TMEM117: variants seen among roughly 807,000 people sequenced by gnomAD.
TMEM117 encodes transmembrane protein 117.
TMEM117 carries 27 observed loss-of-function variants against 52.4 expected under a neutral mutation model. The observed-to-expected ratio is 0.51, with a 90% CI of 0.38 to 0.71. The LOEUF is 0.71. TMEM117 is among the 30% of genes least tolerant of loss of function. The probability of loss-of-function intolerance (pLI) is 0.00; values close to 1 mark genes in which losing one functional copy is unlikely to be tolerated. For synonymous variants in TMEM117, 215 were observed against 206.3 expected (o/e 1.04, Z -0.36); for missense variants, 556 against 630.5 (o/e 0.88, Z 1.26).
intron 3 of TMEM117, among the ~76,000 whole-genome samples, chr12:44,060,456 A>C (rs968331159): frequency 6.6e-6 from 1 of 152,110 alleles, no homozygotes; most frequent in Non-Finnish European, 1.5e-5. Flanking sequence ...TCAGCAGCAG[A>C]GTTTAACCTA....
chr12:44,351,631 A>G (rs1188721231), intron 6 of TMEM117, among the ~76,000 whole-genome samples: 1 of 151,832 alleles, frequency 6.6e-6, no homozygotes, highest in Non-Finnish European at 1.5e-5. Flanking sequence ...TCCCCAGTGT[A>G]TGTTCTTGGC....
rs577879879 is a variant in TMEM117, at chr12:44,154,479, A to G, written c.510+10855A>G. Among the ~76,000 whole-genome samples, 5 of 152,150 alleles carry G rather than the reference A, an allele frequency of 3.3e-5. No homozygotes were observed. The East Asian group carries it at 9.6e-4, about 29-fold the overall frequency. ...CATCTGTTTTCATTGAAAGAACAGC[A>G]CCTCTCGTAAAGATTTTAAAATACA... On this transcript the variant is annotated intron_variant, in intron 4 of 7. Coordinates refer to ENST00000266534, the MANE Select transcript of TMEM117 (RefSeq NM_032256.3).
In TMEM117 at chr12:44,279,672, C is replaced by T. The variant is rs534482647; in HGVS notation, c.609-19908C>T. Among the ~76,000 whole-genome samples the T allele has an allele frequency of 4.6e-5, 7 of 152,156 alleles. No homozygotes were observed. The South Asian group carries it at 1.2e-3, about 27-fold the overall frequency. ...GAGATTACAGGCGCATGCCACCACG[C>T]CCGCCTAATTTTTTGTATTTTAGTA... On this transcript the variant is annotated intron_variant, in intron 5 of 7. Coordinates refer to ENST00000266534, the MANE Select transcript of TMEM117 (RefSeq NM_032256.3).
intron 6 of TMEM117, among the ~76,000 whole-genome samples, chr12:44,342,182 C>T (rs1330324086): frequency 6.6e-6 from 1 of 152,128 alleles, no homozygotes; most frequent in African/African-American, 2.4e-5. Context: ...TACAGAAGGT[C>T]GTTTGTCATG....
chr12:43,814,463 C>G, the TMEM117 span, among the ~76,000 whole-genome samples: 3 of 152,142 alleles, frequency 2.0e-5, no homozygotes, highest in Non-Finnish European at 4.4e-5. Flanking sequence ...TAACCCTGCT[C>G]GTCCTGGCCC....
In TMEM117 at chr12:44,080,013, C is replaced by T. The variant is rs140686561; in HGVS notation, c.411-63512C>T. ...AGCCTGGGCGACAGAGTAACTCCAT[C>T]TCAAAAAAAAAAAAAAAAAAAAGAG... is the stretch of plus-strand genomic sequence containing the variant. On this transcript the variant is annotated intron_variant, in intron 3 of 7. Transcript: ENST00000266534. 8.6e-3 allele frequency among the ~76,000 whole-genome samples: 993 copies of T among 115,952 alleles called. 16 individuals carry two copies. Among genetic ancestry groups the T allele is most frequent in the African/African-American group, 0.039 (967 of 24,618 alleles). The allele number at this position is 115,952 out of a possible 152,430, so 76.1% of individuals were successfully genotyped here.
intron 3 of TMEM117, among the ~76,000 whole-genome samples, chr12:44,079,626 T>C (rs1256459158): frequency 6.6e-6 from 1 of 152,216 alleles, no homozygotes; most frequent in Admixed American, 6.5e-5. Context: ...ATATTTTAGA[T>C]AAGGCAGATA....
chr12:44,049,407 G>A (rs889866638), intron 3 of TMEM117, among the ~76,000 whole-genome samples: 1 of 151,980 alleles, frequency 6.6e-6, no homozygotes, highest in Non-Finnish European at 1.5e-5. Context: ...ACACACCCAG[G>A]GCCTGTTGGG....
the TMEM117 span, among the ~76,000 whole-genome samples, chr12:43,816,060 GA>G: frequency 2.6e-5 from 4 of 152,166 alleles, no homozygotes; most frequent in African/African-American, 9.7e-5. Flanking sequence ...GTGTTGTGAA[GA>G]TTTTTTTAAA....
intron 2 of TMEM117, 147 bp from the exon 3 acceptor site, chr12:43,944,063 A>G (rs1051508636): frequency 6.4e-6 from 4 of 622,170 alleles, no homozygotes; most frequent in Non-Finnish European, 1.1e-5. Flanking sequence ...CAAAAAGAAC[A>G]TTATATTGTG....
chr12:44,114,827 ATAAAAATGCTAC>A (rs1473365426), intron 3 of TMEM117, among the ~76,000 whole-genome samples: 1 of 152,208 alleles, frequency 6.6e-6, no homozygotes, highest in African/African-American at 2.4e-5. Flanking sequence ...ACTGTTTCCT[ATAAAAATGCTAC>A]TACTTCCACA....
At chr12:44,374,497 G>A (rs1951911060) in intron 6 of TMEM117, among the ~76,000 whole-genome samples, 2 of 151,864 alleles carry the variant, frequency 1.3e-5, no homozygotes, top group Admixed American at 6.6e-5. Flanking sequence ...ATACAAAAAA[G>A]TAAAGTAATC....
intron 3 of TMEM117, among the ~76,000 whole-genome samples, chr12:44,036,900 T>G (rs1946718772): frequency 6.6e-6 from 1 of 152,226 alleles, no homozygotes; most frequent in African/African-American, 2.4e-5. Context: ...ATATGTTATC[T>G]CTTCATGGTT....
chr12:44,156,534 T>C (rs1948828031), intron 4 of TMEM117, among the ~76,000 whole-genome samples: 1 of 152,044 alleles, frequency 6.6e-6, no homozygotes, highest in Non-Finnish European at 1.5e-5. Context: ...TGTCTGCATG[T>C]AGTCTGGGTG....
At chr12:44,296,131 A>G (rs1297991944) in intron 5 of TMEM117, among the ~76,000 whole-genome samples, 1 of 152,118 alleles carries the variant, frequency 6.6e-6, no homozygotes, top group African/African-American at 2.4e-5. Flanking sequence ...GACAGATTGG[A>G]CTTTGGGCAG....
rs111997679 is a variant in TMEM117 at position 43,937,344 on chromosome 12, G to A, written c.278-6866G>A. Among the ~76,000 whole-genome samples, 1,485 of 152,286 alleles carry A rather than the reference G, an allele frequency of 9.8e-3. 33 individuals carry two copies. The highest frequency in any genetic ancestry group is 0.034 in the African/African-American group (1,397 of 41,552). ...TAGGGAAAGGCATTGATGCATTAAT[G>A]TGCAGTGCTGTGATAGCAACTAAAC... is the stretch of plus-strand genomic sequence containing the variant. On this transcript the variant is annotated intron_variant, in intron 2 of 7. Coordinates refer to ENST00000266534, the MANE Select transcript of TMEM117 (RefSeq NM_032256.3).
At chr12:44,203,096 T>A (rs1949518840) in intron 4 of TMEM117, among the ~76,000 whole-genome samples, 1 of 114,130 alleles carries the variant, frequency 8.8e-6, no homozygotes, top group Non-Finnish European at 1.8e-5. Flanking sequence ...CACATGGCCT[T>A]TGTTGTTGTT....
intron 4 of TMEM117, among the ~76,000 whole-genome samples, chr12:44,195,462 C>A (rs1949406396): frequency 6.6e-6 from 1 of 151,178 alleles, no homozygotes; most frequent in East Asian, 1.9e-4. Flanking sequence ...AGGTTCCACC[C>A]AGAACTAAAG....
In TMEM117 at chr12:43,907,653, G is replaced by T. The variant is rs1445935909; in HGVS notation, c.278-36557G>T. ...AACCAATACAGAGAAGTGCTTAAAG[G>T]AGCTGATGGAGCTGAAAACCAAGGC... On this transcript the variant is annotated intron_variant, in intron 2 of 7. Transcript: ENST00000266534. Among the ~76,000 whole-genome samples, 21 of 151,288 alleles carry T rather than the reference G, an allele frequency of 1.4e-4. No homozygotes were observed. The East Asian group carries it at 3.7e-3, about 27-fold the overall frequency.
Sources: allele counts gnomAD v4.1 joint callset (sites outside exome capture counted in the v4.1 genomes callset), GRCh38; gene constraint gnomAD v4.1.1; transcripts MANE v1.5; gene names NCBI Gene and HGNC (gene_info 2026-07-23, HGNC 2026-07-21).